Variants in RBPJ observed in about 807,000 individuals in gnomAD.
RBPJ encodes the protein recombining binding protein suppressor of hairless.
Under a neutral mutation model 67.8 loss-of-function variants are expected in RBPJ, and 9 were observed. The ratio of observed to expected loss-of-function variants is 0.13; its 90% CI spans 0.08 to 0.23. The LOEUF (loss-of-function observed/expected upper bound fraction) is 0.23, where lower values mean the gene tolerates loss of function less well. Among genes scored for constraint, RBPJ ranks in the 10% least tolerant of loss-of-function variants. The pLI is 1.00. For missense variants in RBPJ, 305 were observed against 595.6 expected (o/e 0.51, Z 5.08); for synonymous variants, 198 against 203.3 (o/e 0.97, Z 0.22).
intron 1 of RBPJ, among the ~76,000 whole-genome samples, chr4:26,252,598 G>A (rs1720151740): frequency 6.6e-6 from 1 of 152,138 alleles, no homozygotes; most frequent in South Asian, 2.1e-4. Flanking sequence ...AAGAGAGAGA[G>A]AGAAGAAAAG....
intron 1 of RBPJ, among the ~76,000 whole-genome samples, chr4:26,174,573 G>T (rs1438667816): frequency 6.6e-6 from 1 of 152,144 alleles, no homozygotes. Context: ...AGGTTCAAGA[G>T]ATTCTCCTGC....
chr4:26,233,735 C>T (rs554986530), intron 1 of RBPJ, among the ~76,000 whole-genome samples: 1 of 152,264 alleles, frequency 6.6e-6, no homozygotes, highest in East Asian at 1.9e-4. Flanking sequence ...AGATCAAGAT[C>T]TCATTGATAT....
At chr4:26,105,683 T>C in the RBPJ span, among the ~76,000 whole-genome samples, 1 of 152,052 alleles carries the variant, frequency 6.6e-6, no homozygotes, top group Non-Finnish European at 1.5e-5. Flanking sequence ...ACGGAAAGAT[T>C]GAAACAAAAA....
At chr4:26,180,246 G>A (rs1035894561) in intron 1 of RBPJ, among the ~76,000 whole-genome samples, 2 of 150,808 alleles carry the variant, frequency 1.3e-5, no homozygotes, top group Admixed American at 6.6e-5. Flanking sequence ...CCTGGGTGAC[G>A]AAATAATTGA....
At chr4:26,183,866 G>T (rs548696757) in intron 1 of RBPJ, among the ~76,000 whole-genome samples, 1 of 152,122 alleles carries the variant, frequency 6.6e-6, no homozygotes, top group African/African-American at 2.4e-5. Flanking sequence ...CAAAAAATTA[G>T]CCAAGCACGG....
At chr4:26,349,243 A>C (rs958530134) in intron 1 of RBPJ, among the ~76,000 whole-genome samples, 16 of 151,532 alleles carry the variant, frequency 1.1e-4, no homozygotes. Flanking sequence ...AATGTTTTTA[A>C]AATTTTTTTG....
chr4:26,158,877 C>G (rs1485866356), upstream of RBPJ, among the ~76,000 whole-genome samples: 2 of 151,946 alleles, frequency 1.3e-5, no homozygotes, highest in African/African-American at 4.8e-5. Flanking sequence ...TCCTGAATAT[C>G]CTGCAGCCCA....
intron 4 of RBPJ, among the ~76,000 whole-genome samples, chr4:26,418,032 G>A (rs1156258419): frequency 2.0e-5 from 3 of 152,100 alleles, no homozygotes; most frequent in Non-Finnish European, 2.9e-5. Context: ...GGTAAGCTAC[G>A]CAACAAGGAT....
At chr4:26,404,305 A>T (rs2109735405) in intron 2 of RBPJ, among the ~76,000 whole-genome samples, 1 of 152,240 alleles carries the variant, frequency 6.6e-6, no homozygotes, top group East Asian at 1.9e-4. Context: ...CACAGTTTGC[A>T]CGTATTTCCT....
the RBPJ span, among the ~76,000 whole-genome samples, chr4:26,124,445 T>C: frequency 1.7e-5 from 2 of 118,636 alleles, no homozygotes; most frequent in South Asian, 2.9e-4. Context: ...TATATATATA[T>C]ATATATATAT....
chr4:26,346,251 TGA>T (rs1307329693), intron 1 of RBPJ, among the ~76,000 whole-genome samples: 1 of 151,974 alleles, frequency 6.6e-6, no homozygotes, highest in East Asian at 1.9e-4. Context: ...TTCTCTCTAG[TGA>T]GAGAGAGGGG....
intron 1 of RBPJ, among the ~76,000 whole-genome samples, chr4:26,210,933 T>C (rs1416497390): frequency 1.3e-5 from 2 of 151,858 alleles, no homozygotes; most frequent in Non-Finnish European, 2.9e-5. Context: ...CTTGGTTTTG[T>C]ATTGTGATTT....
At chr4:26,337,492 C>T (rs1199285084) in intron 1 of RBPJ, among the ~76,000 whole-genome samples, 1 of 151,790 alleles carries the variant, frequency 6.6e-6, no homozygotes, top group Non-Finnish European at 1.5e-5. Context: ...GGTGTGGCTC[C>T]CCATGCTTAC....
At chr4:26,272,887 G>A (rs928163856) in intron 1 of RBPJ, 14 of 258,556 alleles carry the variant, frequency 5.4e-5, no homozygotes, top group Non-Finnish European at 1.0e-4. Context: ...GTGTGAAACA[G>A]GGAACTCTGC....
chr4:26,308,134 G>C (rs1722298903), intron 1 of RBPJ, among the ~76,000 whole-genome samples: 1 of 152,292 alleles, frequency 6.6e-6, no homozygotes, highest in Admixed American at 6.5e-5. Flanking sequence ...AAATTAGCCG[G>C]GCGTGGTGGC....
the RBPJ span, among the ~76,000 whole-genome samples, chr4:26,148,282 C>T: frequency 6.6e-6 from 1 of 152,158 alleles, no homozygotes; most frequent in Non-Finnish European, 1.5e-5. Flanking sequence ...TTCCAGTGAG[C>T]ATTCAAAGTT....
intron 1 of RBPJ, among the ~76,000 whole-genome samples, chr4:26,362,922 T>C (rs1458601921): frequency 2.0e-5 from 3 of 152,188 alleles, no homozygotes; most frequent in Admixed American, 1.3e-4. Flanking sequence ...GTTTAGGGAT[T>C]ATTCATGTAT....
chr4:26,303,313 A>G (rs1319216240), intron 1 of RBPJ, among the ~76,000 whole-genome samples: 3 of 147,698 alleles, frequency 2.0e-5, no homozygotes, highest in South Asian at 4.2e-4. Flanking sequence ...TGAAATATAT[A>G]TAATAATCTC....
At chr4:26,361,056 TGC>T (rs1406289927) in intron 1 of RBPJ, among the ~76,000 whole-genome samples, 65 of 148,688 alleles carry the variant, frequency 4.4e-4, no homozygotes, top group Middle Eastern at 3.5e-3. Context: ...TGAGTGTGTG[TGC>T]GTGTGTGTGT....
Sources: allele counts gnomAD v4.1 joint callset (sites outside exome capture counted in the v4.1 genomes callset), GRCh38; gene constraint gnomAD v4.1.1; transcripts MANE v1.5; gene names NCBI Gene and HGNC (gene_info 2026-07-23, HGNC 2026-07-21).